The following POR variants were observed in gnomAD, a reference collection of about 807,000 sequenced individuals.
POR encodes the protein NADPH--cytochrome P450 reductase.
Under a neutral mutation model 84.0 loss-of-function variants are expected in POR, and 56 were observed. The observed-to-expected ratio is 0.67, with a 90% confidence interval of 0.54 to 0.83. The LOEUF (loss-of-function observed/expected upper bound fraction) is 0.83. Ranked by LOEUF, POR falls within the 40% of genes least tolerant of loss-of-function variation. The probability of loss-of-function intolerance (pLI) is 0.00; values close to 1 mark genes in which losing one functional copy is unlikely to be tolerated. For missense variants in POR, 938 were observed against 944.3 expected, an observed-to-expected ratio of 0.99 and a Z score of 0.09; for synonymous variants, 414 against 400.5, an observed-to-expected ratio of 1.03 and a Z score of -0.40.
intron 1 of POR, among the ~76,000 whole-genome samples, chr7:75,929,228 C>G (rs1191670903): frequency 2.0e-5 from 3 of 152,152 alleles, no homozygotes; most frequent in African/African-American, 7.2e-5. Flanking sequence ...TATCCAAGCA[C>G]AGGTCACAGA....
chr7:75,939,952 C>T (rs1807891610), intron 1 of POR, among the ~76,000 whole-genome samples: 2 of 151,996 alleles, frequency 1.3e-5, no homozygotes, highest in Middle Eastern at 3.2e-3. Context: ...CTTTGTTGCC[C>T]AGGCTGGAGT....
At position 75,979,557 on chromosome 7, in the gene POR, C is replaced by T. The variant is rs199634961; in HGVS notation, c.344C>T (p.Ala115Val). 2.0e-4 allele frequency: 329 copies of T among 1,613,484 alleles called. 1 individual carries two copies. Among genetic ancestry groups the T allele is most frequent in the South Asian group, 2.5e-4 (23 of 91,080 alleles). Residue 115 changes from alanine to valine, a missense_variant, in exon 4 of 16, where the codon GCG becomes GTG. Transcript: ENST00000461988. The stretch of plus-strand genomic sequence containing the variant: ...CGCTACGGGATGCGAGGCATGTCAG[C>T]GGACCCTGAGGAGTATGACCTGGTA...
chr7:75,923,041 G>T, intron 1 of POR: 1 of 680,952 alleles, frequency 1.5e-6, no homozygotes, highest in Non-Finnish European at 2.7e-6. Flanking sequence ...CGAAAGGATT[G>T]ATGGTGTGAG....
At chr7:75,917,383 C>CT (rs373478392) in intron 1 of POR, among the ~76,000 whole-genome samples, 150 of 115,234 alleles carry the variant, frequency 1.3e-3, no homozygotes, top group Middle Eastern at 8.4e-3. Flanking sequence ...ATTTCTTCTT[C>CT]TTTTTTTTTT....
intron 2 of POR, chr7:75,968,408 G>A (rs1252342370): frequency 2.5e-6 from 1 of 392,712 alleles, no homozygotes; most frequent in Non-Finnish European, 5.2e-6. Flanking sequence ...ATTTGGACTG[G>A]AGACCAGGAA....
intron 3 of POR, among the ~76,000 whole-genome samples, chr7:75,974,989 A>T (rs2116551738): frequency 6.6e-6 from 1 of 152,268 alleles, no homozygotes; most frequent in Non-Finnish European, 1.5e-5. Context: ...GTGAGATTCC[A>T]TCTCTTAAAA....
Position 75,979,458 on chromosome 7 carries a change from A to T in POR, c.245A>T (p.Asn82Ile), listed in dbSNP as rs782037392. 9.9e-6 allele frequency: 16 copies of T among 1,612,346 alleles called. No homozygotes were observed. The highest frequency in any genetic ancestry group is 1.1e-5 in the Non-Finnish European group (13 of 1,179,302). The change falls in exon 4 of 16, where the codon AAC (asparagine) becomes ATC (isoleucine). Residue 82 changes from asparagine (N) to isoleucine (I), a missense_variant. By Grantham distance (149) the Asn-to-Ile change is moderately radical (BLOSUM62 -3). Transcript: ENST00000461988. ...TGTGTCTGCCTTCCTTAGGGGAGGA[A>T]CATCATCGTGTTCTACGGCTCCCAG...
chr7:75,946,346 G>A (rs1007461661), intron 1 of POR, among the ~76,000 whole-genome samples: 17 of 152,044 alleles, frequency 1.1e-4, no homozygotes, highest in African/African-American at 3.6e-4. Flanking sequence ...CAGTGTAGTG[G>A]TGTGATTATG....
chr7:75,937,780 CT>C (rs1178454007), intron 1 of POR, among the ~76,000 whole-genome samples: 1 of 151,454 alleles, frequency 6.6e-6, no homozygotes, highest in Non-Finnish European at 1.5e-5. Flanking sequence ...AAAACTCCAT[CT>C]AAAAAAAAAA....
chr7:75,935,333 A>G (rs150062279), intron 1 of POR, among the ~76,000 whole-genome samples: 132 of 151,944 alleles, frequency 8.7e-4, no homozygotes, highest in Middle Eastern at 3.4e-3. Flanking sequence ...TGCAACCTCC[A>G]CTTCCTGGGT....
chr7:75,982,780 T>C (rs1249576608), intron 8 of POR, among the ~76,000 whole-genome samples: 10 of 152,230 alleles, frequency 6.6e-5, no homozygotes, highest in African/African-American at 2.2e-4. Context: ...GCTGCCCTGC[T>C]TTCTGTAGGC....
intron 1 of POR, chr7:75,923,373 T>C (rs1554549082): frequency 2.6e-6 from 2 of 771,190 alleles, no homozygotes; most frequent in African/African-American, 1.7e-5. Flanking sequence ...TAGTGGACTT[T>C]CTGAAGGAGA....
intron 6 of POR, 112 bp downstream of exon 6, chr7:75,981,284 C>A (rs1789026021): frequency 1.4e-6 from 2 of 1,417,538 alleles, no homozygotes; most frequent in African/African-American, 2.9e-5. Flanking sequence ...CACGCACCTC[C>A]AACACAGAGG....
chr7:75,979,138 T>C (rs1403832512), intron 3 of POR, among the ~76,000 whole-genome samples: 2 of 152,220 alleles, frequency 1.3e-5, no homozygotes, highest in Non-Finnish European at 2.9e-5. Flanking sequence ...CCTGGAACCA[T>C]TCCCCCACGG....
intron 10 of POR, 124 bp from the exon 11 acceptor site, chr7:75,984,653 T>G: frequency 1.2e-6 from 1 of 854,944 alleles, no homozygotes; most frequent in African/African-American, 1.6e-5. Context: ...AGGCCTTGTT[T>G]CCAGCACCAG....
At chr7:75,965,408 G>A (rs1788134300) in intron 2 of POR, among the ~76,000 whole-genome samples, 1 of 152,168 alleles carries the variant, frequency 6.6e-6, no homozygotes, top group Admixed American at 6.5e-5. Flanking sequence ...GGTCAAGGCT[G>A]ACGTTAGCAC....
intron 2 of POR, among the ~76,000 whole-genome samples, chr7:75,954,665 G>A (rs913406875): frequency 1.3e-5 from 2 of 151,256 alleles, no homozygotes; most frequent in Non-Finnish European, 1.5e-5. Flanking sequence ...TCAGCCTCCC[G>A]AGTAGCTGGG....
chr7:75,921,545 G>A (rs941293358), intron 1 of POR, among the ~76,000 whole-genome samples: 10 of 151,716 alleles, frequency 6.6e-5, no homozygotes, highest in African/African-American at 2.2e-4. Context: ...TACAGCAGGC[G>A]TGAGCCACCA....
In POR at chr7:75,975,814, A is replaced by ATTTTTTTTTTTT. The variant is rs539245771; in HGVS notation, c.237+3359_237+3370dup. 4.1e-4 allele frequency among the ~76,000 whole-genome samples: 34 copies of ATTTTTTTTTTTT among 82,162 alleles called. 2 individuals are homozygous for ATTTTTTTTTTTT. Among genetic ancestry groups the ATTTTTTTTTTTT allele is most frequent in the South Asian group, 7.5e-4 (2 of 2,654 alleles). The allele number at this position is 82,162 out of a possible 152,430, so 53.9% of individuals were successfully genotyped here. A position where few individuals can be genotyped will look rare whatever the true frequency, so the allele number is the denominator to read the frequency against. ...TGTTGAGGAAAAAAAAGCTGTTCAGATTTTTTTTTTTTTTTTTGGTAGAGA... is the reference window on the plus strand; with the variant it reads ...TGTTGAGGAAAAAAAAGCTGTTCAGATTTTTTTTTTTTTTTTTTTTTTTTTTTTTGGTAGAGA... On this transcript the variant is annotated intron_variant, in intron 3 of 15. Coordinates refer to ENST00000461988, the MANE Select transcript of POR (RefSeq NM_000941.3).
Sources: gnomAD v4.1 joint callset for allele counts (sites outside exome capture counted in the v4.1 genomes callset) on GRCh38, gnomAD v4.1.1 for gene constraint, MANE v1.5 for transcripts, NCBI Gene and HGNC (gene_info 2026-07-23, HGNC 2026-07-21) for gene names.